The following SFXN2 variants were observed in gnomAD, a reference collection of about 807,000 sequenced individuals.
SFXN2 encodes sideroflexin 2, also known as sideroflexin-2.
Under a neutral mutation model 41.9 loss-of-function variants are expected in SFXN2, and 37 were observed. The observed-to-expected ratio is 0.88, with a 90% CI of 0.68 to 1.16. SFXN2 has a LOEUF of 1.16. SFXN2 is among the 50% of genes most tolerant of loss of function. The pLI, the probability that SFXN2 is intolerant of heterozygous loss-of-function variation, is 0.00. For missense variants in SFXN2, 386 were observed against 425.2 expected, an observed-to-expected ratio of 0.91 and a Z score of 0.81; for synonymous variants, 150 against 156.7, an observed-to-expected ratio of 0.96 and a Z score of 0.32.
Position 102,729,399 on chromosome 10 carries a change from G to T in SFXN2, c.507+5G>T, listed in dbSNP as rs755396428. ...GGCATGAACATGTTGACAAAGGTAT[G>T]GTCTGGGGCCGCTGCAGCATGGTGG... On this transcript the variant is annotated splice_donor_5th_base_variant and intron_variant, in intron 5 of 11. Coordinates refer to ENST00000369893, the MANE Select transcript of SFXN2 (RefSeq NM_178858.6). The T allele has an allele frequency of 1.2e-6, 2 of 1,614,000 alleles. No homozygotes were observed. Among genetic ancestry groups the T allele is most frequent in the South Asian group, 2.2e-5 (2 of 91,074 alleles).
chr10:102,723,477 C>G (rs1402578103), intron 1 of SFXN2, among the ~76,000 whole-genome samples: 1 of 151,802 alleles, frequency 6.6e-6, no homozygotes, highest in African/African-American at 2.4e-5. Flanking sequence ...GTCTCAAACT[C>G]CCGACCTCAG....
chr10:102,728,675 C>T (rs1004344517), intron 4 of SFXN2, 146 bp downstream of exon 4: 21 of 655,662 alleles, frequency 3.2e-5, no homozygotes, highest in Non-Finnish European at 5.7e-5. Context: ...AATATTTTCT[C>T]AAGCTGAGTA....
In SFXN2 at chr10:102,740,830, A is replaced by C. The variant is rs1047629896; in HGVS notation, c.*3068A>C. 1 of 152,212 alleles carries C rather than the reference A, an allele frequency of 6.6e-6. No homozygotes were observed. The highest frequency in any genetic ancestry group is 1.5e-5 in the Non-Finnish European group (1 of 68,042). The allele number at this position is 152,212 out of a possible 1,614,324, so 9.4% of individuals were successfully genotyped here. A position where few individuals can be genotyped will look rare whatever the true frequency, so the allele number is the denominator to read the frequency against. The stretch of plus-strand genomic sequence containing the variant: ...GAGACCTGGCTTTATTTCCAAAAGC[A>C]AATAGGAAAAGGGAAACATTACCAG... On this transcript the variant is annotated 3_prime_UTR_variant, in exon 12 of 12. Coordinates refer to ENST00000369893, the MANE Select transcript of SFXN2 (RefSeq NM_178858.6).
At chr10:102,736,271 T>C (rs2064776689) in intron 11 of SFXN2, among the ~76,000 whole-genome samples, 1 of 152,102 alleles carries the variant, frequency 6.6e-6, no homozygotes. Flanking sequence ...TTTTTCTTTT[T>C]TTTGAGATGG....
chr10:102,716,338 C>T (rs779189196), intron 1 of SFXN2: 1 of 151,890 alleles, frequency 6.6e-6, no homozygotes, highest in Non-Finnish European at 1.5e-5. Flanking sequence ...ATGTGAGTAC[C>T]AGCGATGATG....
chr10:102,736,366 C>T (rs1467248119), intron 11 of SFXN2, among the ~76,000 whole-genome samples: 2 of 151,840 alleles, frequency 1.3e-5, no homozygotes, highest in African/African-American at 4.8e-5. Flanking sequence ...AAGTGATTCT[C>T]CTGCCTCAGC....
In SFXN2 at chr10:102,729,394, G is replaced by A. The variant is rs1208677336; in HGVS notation, c.507G>A (p.Lys169=). The A allele has an allele frequency of 8.7e-6, 14 of 1,614,090 alleles. No individual in the cohort carries two copies. The highest frequency in any genetic ancestry group is 1.2e-5 in the Non-Finnish European group (14 of 1,180,016). ...ATAVGMNMLT[K]KAPPLVGRWV... is the part of the protein sequence containing the mutation. Reference sequence around the variant, plus strand: ...CTGTGGGCATGAACATGTTGACAAAGGTATGGTCTGGGGCCGCTGCAGCAT... The same window carrying A: ...CTGTGGGCATGAACATGTTGACAAAAGTATGGTCTGGGGCCGCTGCAGCAT... Residue 169 remains lysine, a splice_region_variant and synonymous_variant, in exon 5 of 12, where the codon AAG becomes AAA. Coordinates refer to ENST00000369893, the MANE Select transcript of SFXN2 (RefSeq NM_178858.6).
chr10:102,716,562 C>CTTTTTTTT (rs567284795), intron 1 of SFXN2: 10 of 87,960 alleles, frequency 1.1e-4, no homozygotes, highest in Non-Finnish European at 1.5e-4. Flanking sequence ...TCTTTCTTTC[C>CTTTTTTTT]TTTTTTTTTT....
chr10:102,715,641 A>C (rs1313742304), intron 1 of SFXN2, among the ~76,000 whole-genome samples: 1 of 152,128 alleles, frequency 6.6e-6, no homozygotes, highest in African/African-American at 2.4e-5. Flanking sequence ...TCATTTTCAC[A>C]ACCCCTAGAA....
At chr10:102,723,801 T>G (rs544879144) in intron 1 of SFXN2, among the ~76,000 whole-genome samples, 3 of 152,200 alleles carry the variant, frequency 2.0e-5, no homozygotes, top group Non-Finnish European at 2.9e-5. Flanking sequence ...ATTAGTATAA[T>G]TGCATTAATA....
At chr10:102,720,260 C>A (rs961026340) in intron 1 of SFXN2, among the ~76,000 whole-genome samples, 7 of 140,952 alleles carry the variant, frequency 5.0e-5, no homozygotes, top group Non-Finnish European at 7.5e-5. Flanking sequence ...CCACTGCACT[C>A]CAGTCTGGGT....
In SFXN2 at chr10:102,740,204, A is replaced by G. The variant is rs1564749529; in HGVS notation, c.*2442A>G. On this transcript the variant is annotated 3_prime_UTR_variant, in exon 12 of 12. Transcript: ENST00000369893. ...TTAGTCCTTTTAAAGTGTACAATTC[A>G]GTGGTTTTTAATGTAGTCACAAAGT... The G allele has an allele frequency of 6.6e-6, 1 of 152,228 alleles. No homozygotes were observed. The highest frequency in any genetic ancestry group is 1.5e-5 in the Non-Finnish European group (1 of 68,034). 9.4% of individuals were successfully genotyped at this position (152,228 alleles called of 1,614,324 possible).
intron 6 of SFXN2, among the ~76,000 whole-genome samples, chr10:102,731,414 C>G (rs1364270681): frequency 2.0e-5 from 3 of 152,018 alleles, no homozygotes; most frequent in African/African-American, 7.3e-5. Flanking sequence ...CAGGATGATC[C>G]CCATTTTGCA....
rs144952394 is a variant in SFXN2 at position 102,727,066 on chromosome 10, G to A, written c.241G>A (p.Asp81Asn). The A allele has an allele frequency of 4.0e-5, 64 of 1,610,798 alleles. No homozygotes were observed. Among genetic ancestry groups the A allele is most frequent in the Middle Eastern group, 1.7e-4 (1 of 6,048 alleles). Residue 81 changes from aspartate (D) to asparagine (N), a missense_variant, in exon 3 of 12, where the codon GAC (aspartate) becomes AAC (asparagine). Physicochemically the swap from Asp to Asn is conservative, Grantham distance 23. Transcript: ENST00000369893. ...KKLYDSAFHPDTGEKMNVIGR... is the reference protein window; with the variant it reads ...KKLYDSAFHPNTGEKMNVIGR... ...GCTGTATGACTCGGCCTTCCACCCC[G>A]ACACTGGGGAGAAGATGAATGTCAT... is the stretch of plus-strand genomic sequence containing the variant.
At chr10:102,726,232 G>A (rs964579523) in intron 1 of SFXN2, among the ~76,000 whole-genome samples, 1 of 152,190 alleles carries the variant, frequency 6.6e-6, no homozygotes, top group Non-Finnish European at 1.5e-5. Flanking sequence ...ACAGGCATGA[G>A]CCACTGCACC....
chr10:102,742,772 T>C lies in SFXN2; in HGVS notation c.*5010T>C, dbSNP rs1254809372. 6.6e-6 allele frequency: 1 copy of C among 152,200 alleles called. No homozygotes were observed. The allele number at this position is 152,200 out of a possible 1,614,324, so 9.4% of individuals were successfully genotyped here. The stretch of plus-strand genomic sequence containing the variant: ...AGCATGAGCCACCACACCTGGCTAT[T>C]TTACCAACATTGATCAAGCTCTGGT... On this transcript the variant is annotated 3_prime_UTR_variant, in exon 12 of 12. Transcript: ENST00000369893.
At position 102,742,394 on chromosome 10, in the gene SFXN2, C is replaced by T. The variant is rs1282795483; in HGVS notation, c.*4632C>T. ...TGTTGGCCAGGCTCGAACTCCTGACCATGTGATCCGCCCACCTCGGCCTCC... is the reference window on the plus strand; with the variant it reads ...TGTTGGCCAGGCTCGAACTCCTGACTATGTGATCCGCCCACCTCGGCCTCC... On this transcript the variant is annotated 3_prime_UTR_variant, in exon 12 of 12. Transcript: ENST00000369893. The T allele has an allele frequency of 1.3e-5, 2 of 151,944 alleles. No homozygotes were observed. Among genetic ancestry groups the T allele is most frequent in the East Asian group, 1.9e-4 (1 of 5,168 alleles). 9.4% of individuals were successfully genotyped at this position (151,944 alleles called of 1,614,324 possible). A position where few individuals can be genotyped will look rare whatever the true frequency, so the allele number is the denominator to read the frequency against.
chr10:102,728,702 C>G, intron 4 of SFXN2, 173 bp downstream of exon 4: 1 of 592,218 alleles, frequency 1.7e-6, no homozygotes, highest in Non-Finnish European at 3.0e-6. Context: ...GATCTTCTTC[C>G]TAGACCAATT....
At chr10:102,728,794 G>T (rs2064651426) in intron 4 of SFXN2, among the ~76,000 whole-genome samples, 1 of 152,150 alleles carries the variant, frequency 6.6e-6, no homozygotes, top group Non-Finnish European at 1.5e-5. Flanking sequence ...GGTTCTAGAT[G>T]CTGGGATACA....
Sources: allele counts gnomAD v4.1 joint callset (sites outside exome capture counted in the v4.1 genomes callset), GRCh38; gene constraint gnomAD v4.1.1; transcripts MANE v1.5; gene names NCBI Gene and HGNC (gene_info 2026-07-23, HGNC 2026-07-21).